The following CDKL5 variants were observed in gnomAD, a reference collection of about 807,000 sequenced individuals.
The protein encoded by CDKL5 is cyclin-dependent kinase-like 5.
CDKL5 carries 8 observed loss-of-function variants against 61.7 expected under a neutral mutation model. That is an observed-to-expected ratio of 0.13 (90% CI 0.08 to 0.23). The LOEUF (loss-of-function observed/expected upper bound fraction) is 0.23, where lower values mean the gene tolerates loss of function less well. CDKL5 is among the 10% of genes least tolerant of loss of function. The probability of loss-of-function intolerance (pLI) is 1.00; values close to 1 mark genes in which losing one functional copy is unlikely to be tolerated. For missense variants in CDKL5, 440 were observed against 734.5 expected (o/e 0.60, Z 4.63); for synonymous variants, 275 against 272.3 (o/e 1.01, Z -0.10).
At chrX:18,438,639 A>G (rs764327270) in intron 1 of CDKL5, among the ~76,000 whole-genome samples, 1 of 106,463 alleles carries the variant, frequency 9.4e-6, no homozygotes, top group South Asian at 4.5e-4. Flanking sequence ...AAAATACAAA[A>G]ATTAGCCGGG....
rs929198323 is a variant in CDKL5, at chrX:18,638,750, G to A, written c.*9993G>A. On this transcript the variant is annotated 3_prime_UTR_variant, in exon 18 of 18. Coordinates refer to ENST00000623535, the MANE Select transcript of CDKL5 (RefSeq NM_001323289.2). ...GTTATAATTCATATGGAAATTCAAG[G>A]AACCCAGAATAGCCAAAACAATCCC... 2.7e-5 allele frequency among the ~76,000 whole-genome samples: 3 copies of A among 112,039 alleles called. No individual in the cohort carries two copies. The highest frequency in any genetic ancestry group is 5.6e-5 in the Non-Finnish European group (3 of 53,281).
chrX:18,528,237 ATTTTTTTTTTT>A (rs749197887), intron 3 of CDKL5, among the ~76,000 whole-genome samples: 2 of 68,442 alleles, frequency 2.9e-5, no homozygotes, highest in African/African-American at 1.1e-4. Context: ...ACCCATACTC[ATTTTTTTTTTT>A]TTTTTTTTTT....
intron 1 of CDKL5, among the ~76,000 whole-genome samples, chrX:18,425,974 G>A (rs1412201358): frequency 8.9e-6 from 1 of 112,192 alleles, no homozygotes; most frequent in Non-Finnish European, 1.9e-5. Context: ...TGTGAAAGAG[G>A]GGCGGCGGGT....
At chrX:18,618,904 G>A (rs1455749342) in intron 15 of CDKL5, among the ~76,000 whole-genome samples, 2 of 111,195 alleles carry the variant, frequency 1.8e-5, no homozygotes, top group African/African-American at 6.6e-5. Context: ...GGTAGGTGGA[G>A]GTTGCAGTGA....
In CDKL5 at chrX:18,521,459, C is replaced by T. The variant is rs771644451; in HGVS notation, c.99+10605C>T. 4.4e-3 allele frequency among the ~76,000 whole-genome samples: 478 copies of T among 109,635 alleles called. 2 individuals carry two copies. The highest frequency in any genetic ancestry group is 0.042 in the Middle Eastern group (9 of 212). On this transcript the variant is annotated intron_variant, in intron 3 of 17. Coordinates refer to ENST00000623535, the MANE Select transcript of CDKL5 (RefSeq NM_001323289.2). ...CAATGTCATGAAGATTTATGGCTGT[C>T]TTTTTTTTAATGGTACAGTAGTATA...
Position 18,634,425 on chromosome X carries a change from G to GT in CDKL5, c.*5674dup, listed in dbSNP as rs1927324886. On this transcript the variant is annotated 3_prime_UTR_variant, in exon 18 of 18. Transcript: ENST00000623535. ...TTGTCCCTGTTGTGGGGACTAAAGT[G>GT]TTTTTTGCCAGAATTGTCAAAAGCT... 1.3e-6 allele frequency: 1 copy of GT among 752,677 alleles called. No individual in the cohort carries two copies. Among genetic ancestry groups the GT allele is most frequent in the South Asian group, 6.8e-5 (1 of 14,656 alleles). 62.0% of individuals were successfully genotyped at this position (752,677 alleles called of 1,213,427 possible).
At position 18,625,215 on chromosome X, in the gene CDKL5, C is replaced by T. The variant is rs780609419; in HGVS notation, c.2464C>T (p.Arg822Cys). The change falls in exon 17 of 18, where the codon CGC becomes TGC. Residue 822 changes from arginine to cysteine, a missense_variant. By Grantham distance (180) the Arg-to-Cys change is radical (BLOSUM62 -3). Around this residue, in one of 2 missense-constraint regions of CDKL5, gnomAD observed 363 missense variants for 516.3 expected, o/e 0.70. Coordinates refer to ENST00000623535, the MANE Select transcript of CDKL5 (RefSeq NM_001323289.2). ...TCCAAGCAGCAGACCAAAGGAGTGG[C>T]GCCCCGAGAAGATCTCAGATCTGCA... The part of the protein sequence containing the change: ...STPSSRPKEW[R>C]PEKISDLQTQ... 6 of 1,205,178 alleles carry T rather than the reference C, an allele frequency of 5.0e-6. No homozygotes were observed. The highest frequency in any genetic ancestry group is 2.2e-5 in the Admixed American group (1 of 45,359).
At chrX:18,471,580 C>G (rs1040650850) in intron 1 of CDKL5, among the ~76,000 whole-genome samples, 2 of 110,664 alleles carry the variant, frequency 1.8e-5, no homozygotes, top group African/African-American at 3.3e-5. Flanking sequence ...CTTATGTTGT[C>G]CAGGCTGGTG....
At chrX:18,551,559 C>CATTATTATT (rs10659381) in intron 3 of CDKL5, among the ~76,000 whole-genome samples, 8,949 of 80,837 alleles carry the variant, frequency 0.11, 516 homozygotes, top group Non-Finnish European at 0.14. Context: ...GATACCTTGA[C>CATTATTATT]ATTATTATTA....
intron 1 of CDKL5, among the ~76,000 whole-genome samples, chrX:18,462,811 G>A (rs1932319408): frequency 9.0e-6 from 1 of 111,301 alleles, no homozygotes; most frequent in African/African-American, 3.3e-5. Flanking sequence ...ATCACTTGAG[G>A]TCAGGAGTTC....
rs1399449560 is a variant in CDKL5 at position 18,629,613 on chromosome X, AG to A, written c.*857del. The stretch of plus-strand genomic sequence containing the variant: ...AATTGTGGCTACACGTGACTGTAAC[AG>A]TATGAACCTTGCTCAACTTTGAGGC... On this transcript the variant is annotated 3_prime_UTR_variant, in exon 18 of 18. Coordinates refer to ENST00000623535, the MANE Select transcript of CDKL5 (RefSeq NM_001323289.2). 1.6e-5 allele frequency: 12 copies of A among 752,059 alleles called. No homozygotes were observed. The highest frequency in any genetic ancestry group is 1.9e-5 in the Non-Finnish European group (12 of 638,656). The allele number at this position is 752,059 out of a possible 1,213,427, so 62.0% of individuals were successfully genotyped here. A position where few individuals can be genotyped will look rare whatever the true frequency, so the allele number is the denominator to read the frequency against.
At chrX:18,544,122 TCTG>T in intron 3 of CDKL5, among the ~76,000 whole-genome samples, 1 of 112,355 alleles carries the variant, frequency 8.9e-6, no homozygotes, top group African/African-American at 3.2e-5. Flanking sequence ...AACACCCCTC[TCTG>T]CCTCATGCAG....
At chrX:18,580,288 G>A (rs1925437398) in intron 6 of CDKL5, among the ~76,000 whole-genome samples, 1 of 111,655 alleles carries the variant, frequency 9.0e-6, no homozygotes, top group African/African-American at 3.3e-5. Context: ...AACTTACTTG[G>A]GGATAGGAGA....
chrX:18,616,493 C>T (rs887492270), intron 15 of CDKL5, among the ~76,000 whole-genome samples: 2 of 109,503 alleles, frequency 1.8e-5, no homozygotes, highest in Non-Finnish European at 3.8e-5. Flanking sequence ...GGCATGGTGG[C>T]GCATGCTGGT....
chrX:18,448,790 C>T (rs574874471), intron 1 of CDKL5, among the ~76,000 whole-genome samples: 3 of 112,095 alleles, frequency 2.7e-5, no homozygotes, highest in South Asian at 7.4e-4. Context: ...TATTTTATTA[C>T]CTTTCAGGGG....
At chrX:18,466,585 A>G (rs1343137792) in intron 1 of CDKL5, among the ~76,000 whole-genome samples, 1 of 110,635 alleles carries the variant, frequency 9.0e-6, no homozygotes, top group African/African-American at 3.3e-5. Context: ...GCTCATTGCA[A>G]CCTCAGCCTT....
chrX:18,604,721 C>G lies in CDKL5; in HGVS notation c.1797C>G (p.Thr599=), dbSNP rs141478957. ...CTTTTTCTTATGGACTGGGCTACAC[C>G]AGCCCCTTTTCTTCCCAGCAACGTC... The part of the protein sequence containing the change: ...HESFSYGLGY[T]SPFSSQQRPH... The change falls in exon 12 of 18, where the codon ACC becomes ACG. Residue 599 remains threonine, a synonymous_variant. Coordinates refer to ENST00000623535, the MANE Select transcript of CDKL5 (RefSeq NM_001323289.2). 7.5e-4 allele frequency: 903 copies of G among 1,210,102 alleles called. 4 individuals are homozygous for G. The African/African-American group carries it at 0.013, about 18-fold the overall frequency.
intron 20 of CDKL5, among the ~76,000 whole-genome samples, chrX:18,649,878 A>C (rs140686899): frequency 0.041 from 4,581 of 111,738 alleles, 236 homozygotes; most frequent in African/African-American, 0.14. Flanking sequence ...GCCAGGTGGC[A>C]GGGATTTTTC....
In CDKL5 at chrX:18,646,086, A is replaced by G. The variant is rs757292432; in HGVS notation, c.2793A>G (p.Gln931=). The change falls in exon 20 of 22, where the codon CAA becomes CAG. Residue 931 remains glutamine (Q), a synonymous_variant. Transcript: ENST00000379989. ...GCTTCATGTTAAGGACGACAGAACAACAAGGTAGAGTCTGGGCCCCGCATG... is the reference window on the plus strand; with the variant it reads ...GCTTCATGTTAAGGACGACAGAACAGCAAGGTAGAGTCTGGGCCCCGCATG... The G allele has an allele frequency of 7.4e-6, 9 of 1,210,156 alleles. No individual in the cohort carries two copies. Among genetic ancestry groups the G allele is most frequent in the Non-Finnish European group, 1.0e-5 (9 of 895,261 alleles).
Sources: gnomAD v4.1 joint callset for allele counts (sites outside exome capture counted in the v4.1 genomes callset) on GRCh38, gnomAD v4.1.1 for gene constraint, gnomAD v4.1.1 regional missense constraint, MANE v1.5 for transcripts, NCBI Gene and HGNC (gene_info 2026-07-23, HGNC 2026-07-21) for gene names.